PRDM9: variants seen among roughly 807,000 people sequenced by gnomAD.
The protein encoded by PRDM9 is histone-lysine N-methyltransferase PRDM9.
A neutral mutation model predicts 55.6 loss-of-function variants in PRDM9; 47 were observed. The ratio of observed to expected loss-of-function variants is 0.85; its 90% CI spans 0.67 to 1.08. The LOEUF is 1.08. PRDM9 is among the 50% of genes least tolerant of loss of function. PRDM9 has a pLI of 0.00. For missense variants in PRDM9, 867 were observed against 1,040.3 expected, an observed-to-expected ratio of 0.83 and a Z score of 2.29; for synonymous variants, 312 against 375.7, an observed-to-expected ratio of 0.83 and a Z score of 1.96.
At chr5:23,512,626 C>G (rs1029166664) in intron 4 of PRDM9, among the ~76,000 whole-genome samples, 2 of 152,132 alleles carry the variant, frequency 1.3e-5, no homozygotes, top group African/African-American at 4.8e-5. Flanking sequence ...TTATTTTTTA[C>G]TGTGGTAAGA....
At chr5:23,515,257 G>T (rs1171295736) in intron 4 of PRDM9, among the ~76,000 whole-genome samples, 1 of 152,076 alleles carries the variant, frequency 6.6e-6, no homozygotes, top group Non-Finnish European at 1.5e-5. Flanking sequence ...GAGCCACAGC[G>T]CCTGGCCTGG....
At chr5:23,520,736 C>T (rs1003511822) in intron 5 of PRDM9, among the ~76,000 whole-genome samples, 6 of 152,114 alleles carry the variant, frequency 3.9e-5, no homozygotes. Context: ...CCTTCTTTCA[C>T]AGATCTTGTT....
At chr5:23,516,788 C>T (rs1310732437) in intron 4 of PRDM9, among the ~76,000 whole-genome samples, 8 of 146,456 alleles carry the variant, frequency 5.5e-5, no homozygotes, top group African/African-American at 1.3e-4. Flanking sequence ...GGCACGATCT[C>T]GGTTCACTGC....
chr5:23,523,127 C>G (rs1168768234), intron 8 of PRDM9, among the ~76,000 whole-genome samples, 164 bp from the exon 9 acceptor site: 1 of 152,204 alleles, frequency 6.6e-6, no homozygotes, highest in East Asian at 1.9e-4. Context: ...ATTGGACAAA[C>G]CAACTCAGAT....
At chr5:23,510,243 T>G (rs938688994) in intron 4 of PRDM9, among the ~76,000 whole-genome samples, 10 of 152,034 alleles carry the variant, frequency 6.6e-5, no homozygotes, top group African/African-American at 2.4e-4. Flanking sequence ...TTTTTTTTAG[T>G]AGAGATGGGG....
At chr5:23,517,194 T>C (rs1374833905) in intron 4 of PRDM9, among the ~76,000 whole-genome samples, 1 of 150,938 alleles carries the variant, frequency 6.6e-6, no homozygotes, top group Non-Finnish European at 1.5e-5. Context: ...TTTTCTTTTA[T>C]GATCTTTTTA....
At chr5:23,518,765 T>A (rs1305586379) in intron 5 of PRDM9, among the ~76,000 whole-genome samples, 1 of 152,210 alleles carries the variant, frequency 6.6e-6, no homozygotes, top group African/African-American at 2.4e-5. Flanking sequence ...TCCTCTGGGC[T>A]CCAATTAGGG....
At chr5:23,522,950 C>T in intron 8 of PRDM9, 65 bp downstream of exon 8, 3 of 1,611,294 alleles carry the variant, frequency 1.9e-6, no homozygotes, top group Non-Finnish European at 2.5e-6. Flanking sequence ...TTTGGTGGGG[C>T]ATAATCTTCT....
At chr5:23,522,270 C>T (rs781438796) in intron 6 of PRDM9, 34 bp from the exon 7 acceptor site, 18 of 1,542,190 alleles carry the variant, frequency 1.2e-5, no homozygotes, top group Admixed American at 5.0e-5. Context: ...ACCCCAGATT[C>T]CCAATTTTAC....
intron 4 of PRDM9, among the ~76,000 whole-genome samples, chr5:23,510,464 T>C (rs1561016740): frequency 6.6e-6 from 1 of 151,452 alleles, no homozygotes; most frequent in Non-Finnish European, 1.5e-5. Flanking sequence ...GTTAAACAAT[T>C]CTCCCACCTC....
intron 4 of PRDM9, among the ~76,000 whole-genome samples, chr5:23,514,910 A>G (rs1739175136): frequency 6.6e-6 from 1 of 151,354 alleles, no homozygotes; most frequent in Non-Finnish European, 1.5e-5. Flanking sequence ...TTATTTAATT[A>G]TTTGTTTTGT....
intron 4 of PRDM9, among the ~76,000 whole-genome samples, chr5:23,511,922 G>A (rs1219016081): frequency 1.3e-5 from 2 of 151,544 alleles, no homozygotes; most frequent in African/African-American, 4.8e-5. Context: ...TGGATGTATA[G>A]GTTTTCCAGT....
At chr5:23,516,938 A>T (rs1739222621) in intron 4 of PRDM9, among the ~76,000 whole-genome samples, 1 of 149,374 alleles carries the variant, frequency 6.7e-6, no homozygotes, top group Non-Finnish European at 1.5e-5. Flanking sequence ...GGAGATCAAG[A>T]CCATCCTGGC....
At position 23,521,194 on chromosome 5, in the gene PRDM9, T is replaced by C. The variant is rs1334101634; in HGVS notation, c.508+15T>C. 6.2e-7 allele frequency: 1 copy of C among 1,612,190 alleles called. No individual in the cohort carries two copies. On this transcript the variant is annotated intron_variant, in intron 6 of 10. Transcript: ENST00000296682. ...ACTAAAACTGGGTAAGAAAAAATAT[T>C]TGCGGGGACTTTAGTCCCTCTATGT...
Position 23,510,049 on chromosome 5 carries a change from ATT to A in PRDM9, c.301+43_301+44del, listed in dbSNP as rs34033521. ...CAAGGTAAGAGGGAAGGGAAGTAGG[ATT>A]TTTTTTTTTTTTTTTTTTTTGAGAT... On this transcript the variant is annotated intron_variant, in intron 4 of 10. Coordinates refer to ENST00000296682, the MANE Select transcript of PRDM9 (RefSeq NM_020227.4). 143,826 of 1,199,738 alleles carry A rather than the reference ATT, an allele frequency of 0.12. 37 individuals carry two copies. The highest frequency in any genetic ancestry group is 0.14 in the East Asian group (4,821 of 33,680). The allele number at this position is 1,199,738 out of a possible 1,614,324, so 74.3% of individuals were successfully genotyped here. A position where few individuals can be genotyped will look rare whatever the true frequency, so the allele number is the denominator to read the frequency against.
At chr5:23,508,848 C>T in intron 1 of PRDM9, 102 bp from the exon 2 acceptor site, 1 of 674,812 alleles carries the variant, frequency 1.5e-6, no homozygotes, top group Non-Finnish European at 2.5e-6. Context: ...CAGGAATCCA[C>T]ATCTTCCTGC....
chr5:23,523,686 G>T (rs539025816), intron 9 of PRDM9, among the ~76,000 whole-genome samples: 1 of 152,276 alleles, frequency 6.6e-6, no homozygotes, highest in South Asian at 2.1e-4. Flanking sequence ...TATGTTCCAG[G>T]TTAGGAAGTG....
chr5:23,518,002 T>C (rs1739250147), intron 5 of PRDM9, 72 bp downstream of exon 5: 4 of 1,362,294 alleles, frequency 2.9e-6, no homozygotes, highest in Non-Finnish European at 3.2e-6. Flanking sequence ...AGGAGGAGAA[T>C]GTACAGACTA....
rs1466800767 is a variant in PRDM9, at chr5:23,507,720, C to T, written c.-85+8C>T. 1 of 152,224 alleles carries T rather than the reference C, an allele frequency of 6.6e-6. No homozygotes were observed. Among genetic ancestry groups the T allele is most frequent in the African/African-American group, 2.4e-5 (1 of 41,432 alleles). The allele number at this position is 152,224 out of a possible 1,614,324, so 9.4% of individuals were successfully genotyped here. A position where few individuals can be genotyped will look rare whatever the true frequency, so the allele number is the denominator to read the frequency against. On this transcript the variant is annotated splice_region_variant and intron_variant, in intron 1 of 10. Coordinates refer to ENST00000296682, the MANE Select transcript of PRDM9 (RefSeq NM_020227.4). ...GTGCAGCGTGAAACCCTTGTAAACC[C>T]TCATCCCGAGACCTTCAAATTTTAG... is the stretch of plus-strand genomic sequence containing the variant.
Sources: gnomAD v4.1 joint callset for allele counts (sites outside exome capture counted in the v4.1 genomes callset) on GRCh38, gnomAD v4.1.1 for gene constraint, MANE v1.5 for transcripts, NCBI Gene and HGNC (gene_info 2026-07-23, HGNC 2026-07-21) for gene names.